Variants in SNX9 observed in about 807,000 individuals in gnomAD.
SNX9 encodes sorting nexin 9.
SNX9 carries 44 observed loss-of-function variants against 89.4 expected under a neutral mutation model. The ratio of observed to expected loss-of-function variants is 0.49; its 90% CI spans 0.39 to 0.63. The LOEUF (loss-of-function observed/expected upper bound fraction) is 0.63. SNX9 is among the 30% of genes least tolerant of loss of function. The pLI, the probability that SNX9 is intolerant of heterozygous loss-of-function variation, is 0.00. For missense variants in SNX9, 578 were observed against 736.1 expected, an observed-to-expected ratio of 0.79 and a Z score of 2.49; for synonymous variants, 236 against 247.8, an observed-to-expected ratio of 0.95 and a Z score of 0.45.
At chr6:157,889,354 C>G (rs554186886) in intron 4 of SNX9, among the ~76,000 whole-genome samples, 9 of 149,274 alleles carry the variant, frequency 6.0e-5, no homozygotes, top group Non-Finnish European at 1.0e-4. Context: ...TTGCTTAAAC[C>G]TGGGAGGCAG....
chr6:157,910,376 C>T (rs1485292311), intron 9 of SNX9, among the ~76,000 whole-genome samples: 1 of 152,096 alleles, frequency 6.6e-6, no homozygotes, highest in African/African-American at 2.4e-5. Flanking sequence ...TTCAAATAGC[C>T]TAAAATGGAA....
At chr6:157,866,877 G>A (rs186742266) in intron 1 of SNX9, among the ~76,000 whole-genome samples, 18 of 152,268 alleles carry the variant, frequency 1.2e-4, no homozygotes, top group African/African-American at 4.1e-4. Flanking sequence ...TGAACAGTTT[G>A]TGTATTTCCA....
At chr6:157,880,499 G>A (rs924238874) in intron 4 of SNX9, among the ~76,000 whole-genome samples, 1 of 152,060 alleles carries the variant, frequency 6.6e-6, no homozygotes, top group African/African-American at 2.4e-5. Context: ...TGTCTCCTTT[G>A]TATCTGAAAT....
In SNX9 at chr6:157,866,584, TAAATA is replaced by T. The variant is rs1306513202; in HGVS notation, c.13-959_13-955del. ...GTGAAACTCTGTCTGGAAAAATAAATAAATAAAAGCTTTTATTTTAAGGAAACGTT... is the reference window on the plus strand; with the variant it reads ...GTGAAACTCTGTCTGGAAAAATAAATAAAGCTTTTATTTTAAGGAAACGTT... On this transcript the variant is annotated intron_variant, in intron 1 of 17. Coordinates refer to ENST00000392185, the MANE Select transcript of SNX9 (RefSeq NM_016224.5). Among the ~76,000 whole-genome samples, 18 of 151,996 alleles carry T rather than the reference TAAATA, an allele frequency of 1.2e-4. No individual in the cohort carries two copies. In the East Asian group the frequency reaches 3.5e-3, roughly 29 times the overall value.
In SNX9 at chr6:157,867,542, G is replaced by C. The variant is rs1470134407; in HGVS notation, c.13-5G>C. On this transcript the variant is annotated splice_polypyrimidine_tract_variant and splice_region_variant and intron_variant, in intron 1 of 17. Coordinates refer to ENST00000392185, the MANE Select transcript of SNX9 (RefSeq NM_016224.5). ...ACATCCTCTTTTCCTCTCCACTCCT[G>C]ATAGGCTCGGGTTATGTATGATTTT... 2 of 1,607,796 alleles carry C rather than the reference G, an allele frequency of 1.2e-6. No homozygotes were observed. The highest frequency in any genetic ancestry group is 1.1e-5 in the South Asian group (1 of 90,210).
intron 1 of SNX9, among the ~76,000 whole-genome samples, chr6:157,828,496 T>C (rs1026393876): frequency 6.6e-6 from 1 of 152,068 alleles, no homozygotes; most frequent in South Asian, 2.1e-4. Flanking sequence ...TTATGATTAT[T>C]ATTATTTTTT....
At chr6:157,842,435 A>G (rs1781721054) in intron 1 of SNX9, among the ~76,000 whole-genome samples, 1 of 152,184 alleles carries the variant, frequency 6.6e-6, no homozygotes, top group African/African-American at 2.4e-5. Flanking sequence ...ACCACTGCCT[A>G]GACAGAATCG....
rs527458050 is a variant in SNX9, at chr6:157,940,225, T to C, written c.1649-658T>C. Among the ~76,000 whole-genome samples the C allele has an allele frequency of 1.4e-4, 21 of 152,340 alleles. No homozygotes were observed. The East Asian group carries it at 3.5e-3, about 25-fold the overall frequency. On this transcript the variant is annotated intron_variant, in intron 16 of 17. Transcript: ENST00000392185. The stretch of plus-strand genomic sequence containing the variant: ...GACCCCAGCTGCCTGCTAGGTCCAG[T>C]GCAGACACACCAGAGGCTTTGAACT...
chr6:157,905,774 C>T (rs892410843), intron 6 of SNX9, among the ~76,000 whole-genome samples: 1 of 152,188 alleles, frequency 6.6e-6, no homozygotes, highest in Non-Finnish European at 1.5e-5. Flanking sequence ...CTGTGGCCAA[C>T]TCAGATTGGC....
Position 157,942,829 on chromosome 6 carries a change from A to G in SNX9, c.1779A>G (p.Pro593=), listed in dbSNP as rs1396430138. 1.2e-6 allele frequency: 2 copies of G among 1,613,864 alleles called. No individual in the cohort carries two copies. The highest frequency in any genetic ancestry group is 1.1e-5 in the South Asian group (1 of 91,010). The change falls in exon 18 of 18, where the codon CCA becomes CCG. Residue 593 remains proline (P), a synonymous_variant. Coordinates refer to ENST00000392185, the MANE Select transcript of SNX9 (RefSeq NM_016224.5). ...TGAGGCAGGCCCTCAGCCGCTTTCCAGTGATGTAGGACAGAACGGGCCTTG... is the reference window on the plus strand; with the variant it reads ...TGAGGCAGGCCCTCAGCCGCTTTCCGGTGATGTAGGACAGAACGGGCCTTG... The part of the protein sequence containing the change: ...EKLRQALSRF[P]VM
intron 1 of SNX9, among the ~76,000 whole-genome samples, chr6:157,833,704 G>A (rs906513390): frequency 2.0e-5 from 3 of 152,174 alleles, no homozygotes; most frequent in Admixed American, 6.5e-5. Context: ...TTTGTGGTTA[G>A]GCAGGGTTTC....
chr6:157,878,902 A>C (rs2115146125), intron 4 of SNX9, among the ~76,000 whole-genome samples: 1 of 150,790 alleles, frequency 6.6e-6, no homozygotes, highest in African/African-American at 2.5e-5. Flanking sequence ...AAATAGGTAA[A>C]GTGTATAAAC....
At chr6:157,826,128 C>T (rs1781339037) in intron 1 of SNX9, among the ~76,000 whole-genome samples, 1 of 152,024 alleles carries the variant, frequency 6.6e-6, no homozygotes, top group Non-Finnish European at 1.5e-5. Flanking sequence ...TTAAAAACTC[C>T]ACTACTATAT....
intron 4 of SNX9, among the ~76,000 whole-genome samples, chr6:157,891,027 CTT>C (rs67186551): frequency 2.3e-4 from 27 of 114,910 alleles, no homozygotes; most frequent in African/African-American, 5.5e-4. Flanking sequence ...TTTTCTTTCT[CTT>C]TTTTTTTTTT....
At chr6:157,932,723 C>T (rs1375369076) in intron 13 of SNX9, among the ~76,000 whole-genome samples, 3 of 151,100 alleles carry the variant, frequency 2.0e-5, no homozygotes, top group South Asian at 2.1e-4. Flanking sequence ...AAAAATTAGC[C>T]ACGTGTGGTG....
At position 157,908,515 on chromosome 6, in the gene SNX9, T is replaced by C. The variant is rs996073639; in HGVS notation, c.706-1150T>C. Among the ~76,000 whole-genome samples, 3 of 152,236 alleles carry C rather than the reference T, an allele frequency of 2.0e-5. No individual in the cohort carries two copies. The East Asian group carries it at 5.8e-4, about 29-fold the overall frequency. ...CTGCAGTCTGAACCTCTAGAATCTG[T>C]CATTGTGATCAAAGTTTATGAAATG... On this transcript the variant is annotated intron_variant, in intron 7 of 17. Coordinates refer to ENST00000392185, the MANE Select transcript of SNX9 (RefSeq NM_016224.5).
intron 7 of SNX9, 103 bp downstream of exon 7, chr6:157,906,315 A>T (rs1783214656): frequency 1.2e-6 from 1 of 833,666 alleles, no homozygotes; most frequent in South Asian, 1.6e-5. Context: ...GTATTTTTAA[A>T]TATATTTAAT....
chr6:157,911,038 G>A (rs778772987), intron 9 of SNX9, among the ~76,000 whole-genome samples: 39 of 152,228 alleles, frequency 2.6e-4, no homozygotes, highest in Admixed American at 1.4e-3. Context: ...GCATGAACCC[G>A]GGAGGCAGAG....
chr6:157,920,354 G>A (rs1173728510), intron 9 of SNX9, among the ~76,000 whole-genome samples: 2 of 152,158 alleles, frequency 1.3e-5, no homozygotes, highest in Non-Finnish European at 2.9e-5. Flanking sequence ...CTGTCTCTGA[G>A]ATTGTCACTG....
Sources: allele counts gnomAD v4.1 joint callset (sites outside exome capture counted in the v4.1 genomes callset), GRCh38; gene constraint gnomAD v4.1.1; transcripts MANE v1.5; gene names NCBI Gene and HGNC (gene_info 2026-07-23, HGNC 2026-07-21).